Variants in GRIK4 observed in about 807,000 individuals in gnomAD.
GRIK4 encodes glutamate ionotropic receptor kainate type subunit 4, also known as glutamate receptor ionotropic, kainate 4.
GRIK4 carries 40 observed loss-of-function variants against 104.9 expected under a neutral mutation model. That is an observed-to-expected ratio of 0.38 (90% CI 0.30 to 0.50). The LOEUF (loss-of-function observed/expected upper bound fraction) is 0.50, where lower values mean the gene tolerates loss of function less well. GRIK4 is among the 20% of genes least tolerant of loss of function. The pLI is 0.93. For synonymous variants in GRIK4, 485 were observed against 524.9 expected, an observed-to-expected ratio of 0.92 and a Z score of 1.04; for missense variants, 1,047 against 1,308.1, an observed-to-expected ratio of 0.80 and a Z score of 3.08.
chr11:120,566,224 A>G (rs563076835), intron 1 of GRIK4, among the ~76,000 whole-genome samples: 1 of 152,322 alleles, frequency 6.6e-6, no homozygotes, highest in South Asian at 2.1e-4. Flanking sequence ...TATGAGCTGT[A>G]AGGGATTTCC....
chr11:120,895,516 A>G (rs1335550913), intron 11 of GRIK4, among the ~76,000 whole-genome samples: 2 of 152,112 alleles, frequency 1.3e-5, no homozygotes, highest in Non-Finnish European at 2.9e-5. Flanking sequence ...GAAGAAAGCT[A>G]TGTATTTGGA....
At chr11:120,575,754 A>C (rs985365439) in intron 1 of GRIK4, 1 of 152,108 alleles carries the variant, frequency 6.6e-6, no homozygotes, top group Non-Finnish European at 1.5e-5. Context: ...CTTATGAACC[A>C]AGCAGCAGAA....
intron 9 of GRIK4, among the ~76,000 whole-genome samples, chr11:120,865,714 A>G (rs982166565): frequency 1.3e-5 from 2 of 152,212 alleles, no homozygotes; most frequent in African/African-American, 4.8e-5. Flanking sequence ...GAGGAAAAAA[A>G]ATGCAAAGGC....
At chr11:120,547,029 G>A (rs187711485) in intron 1 of GRIK4, among the ~76,000 whole-genome samples, 4 of 152,262 alleles carry the variant, frequency 2.6e-5, no homozygotes, top group East Asian at 1.9e-4. Flanking sequence ...GTACCTCCCC[G>A]GCACCCTGCC....
At chr11:120,920,332 C>A (rs948107524) in intron 13 of GRIK4, among the ~76,000 whole-genome samples, 1 of 152,148 alleles carries the variant, frequency 6.6e-6, no homozygotes, top group Non-Finnish European at 1.5e-5. Context: ...TGTATTTTCA[C>A]CTCCTCTTCT....
intron 17 of GRIK4, 143 bp from the exon 18 acceptor site, chr11:120,962,313 A>C: frequency 1.6e-6 from 1 of 612,820 alleles, no homozygotes; most frequent in Non-Finnish European, 2.9e-6. Context: ...TGAGAGACAG[A>C]AAGGGAAAAG....
chr11:120,613,965 G>A (rs1949071907), intron 1 of GRIK4, among the ~76,000 whole-genome samples: 1 of 152,188 alleles, frequency 6.6e-6, no homozygotes, highest in African/African-American at 2.4e-5. Context: ...TCAGCAATGG[G>A]CAATCTGTTT....
chr11:120,589,357 G>A (rs1235224885), intron 1 of GRIK4, among the ~76,000 whole-genome samples: 2 of 152,174 alleles, frequency 1.3e-5, no homozygotes, highest in African/African-American at 2.4e-5. Flanking sequence ...TTCTTCCTAG[G>A]AGAAGTCAAA....
chr11:120,815,516 G>C, intron 5 of GRIK4, 41 bp downstream of exon 5: 1 of 1,213,416 alleles, frequency 8.2e-7, no homozygotes, highest in Non-Finnish European at 1.2e-6. Context: ...GTGTGCTGGA[G>C]CCTGTGCCCA....
chr11:120,877,836 C>G lies in GRIK4; in HGVS notation c.1164+2593C>G, dbSNP rs115401917. On this transcript the variant is annotated intron_variant, in intron 11 of 20. Transcript: ENST00000527524. ...CTGATCCCAGACTTTGAAACACTCCCCTTAGACCTCAGTCCTGCTTTGTGA... is the reference window on the plus strand; with the variant it reads ...CTGATCCCAGACTTTGAAACACTCCGCTTAGACCTCAGTCCTGCTTTGTGA... Among the ~76,000 whole-genome samples, 220 of 152,294 alleles carry G rather than the reference C, an allele frequency of 1.4e-3. 1 individual carries two copies. Among genetic ancestry groups the G allele is most frequent in the African/African-American group, 5.1e-3 (210 of 41,562 alleles).
chr11:120,934,132 G>A (rs1215448989), intron 13 of GRIK4, among the ~76,000 whole-genome samples: 1 of 151,284 alleles, frequency 6.6e-6, no homozygotes, highest in East Asian at 1.9e-4. Flanking sequence ...GTGAACCCGG[G>A]AGGCGGAGGT....
chr11:120,938,773 C>T (rs192444169), intron 13 of GRIK4, among the ~76,000 whole-genome samples: 75 of 152,282 alleles, frequency 4.9e-4, no homozygotes, highest in African/African-American at 1.5e-3. Context: ...TGAGATACAG[C>T]GCCCAGGTCA....
At chr11:120,658,806 T>C (rs529878794) in intron 2 of GRIK4, among the ~76,000 whole-genome samples, 132 of 127,406 alleles carry the variant, frequency 1.0e-3, no homozygotes, top group African/African-American at 3.6e-3. Flanking sequence ...TGCAGTGCAG[T>C]GGCACGATCT....
chr11:120,780,653 A>G (rs1952136936), intron 3 of GRIK4, among the ~76,000 whole-genome samples: 1 of 152,180 alleles, frequency 6.6e-6, no homozygotes, highest in South Asian at 2.1e-4. Flanking sequence ...CACAAGTGGT[A>G]TTGCTACATC....
intron 3 of GRIK4, among the ~76,000 whole-genome samples, chr11:120,715,839 A>G (rs1479879767): frequency 1.3e-5 from 2 of 152,144 alleles, no homozygotes; most frequent in Non-Finnish European, 2.9e-5. Context: ...AGAAAATAGG[A>G]CGCAGCCTCC....
chr11:120,936,943 CTGGG>C, intron 13 of GRIK4, among the ~76,000 whole-genome samples: 1 of 152,194 alleles, frequency 6.6e-6, no homozygotes, highest in South Asian at 2.1e-4. Context: ...CCAGTGATTC[CTGGG>C]TGGAATCACA....
At position 120,923,328 on chromosome 11, in the gene GRIK4, A is replaced by G. The variant is rs1010931904; in HGVS notation, c.1477-17019A>G. 2.6e-5 allele frequency among the ~76,000 whole-genome samples: 4 copies of G among 152,100 alleles called. No individual in the cohort carries two copies. The East Asian group carries it at 7.7e-4, about 29-fold the overall frequency. ...AGGATGGAGACAAGATGCCAGAATCAGGAACAGCTTAATAGAAGAATAGCA... is the reference window on the plus strand; with the variant it reads ...AGGATGGAGACAAGATGCCAGAATCGGGAACAGCTTAATAGAAGAATAGCA... On this transcript the variant is annotated intron_variant, in intron 13 of 20. Transcript: ENST00000527524.
chr11:120,626,071 T>C (rs1286141308), intron 1 of GRIK4, among the ~76,000 whole-genome samples: 1 of 152,226 alleles, frequency 6.6e-6, no homozygotes, highest in African/African-American at 2.4e-5. Flanking sequence ...TGGAAGACTT[T>C]AATTATTTCA....
At chr11:120,538,675 G>A (rs1948002957) in intron 1 of GRIK4, among the ~76,000 whole-genome samples, 1 of 152,226 alleles carries the variant, frequency 6.6e-6, no homozygotes. Flanking sequence ...GCTGGTCTGA[G>A]ATCTTGAAAC....
Sources: gnomAD v4.1 joint callset for allele counts (sites outside exome capture counted in the v4.1 genomes callset) on GRCh38, gnomAD v4.1.1 for gene constraint, MANE v1.5 for transcripts, NCBI Gene and HGNC (gene_info 2026-07-23, HGNC 2026-07-21) for gene names.